The following BMPR1A variants were observed in gnomAD, a reference collection of about 807,000 sequenced individuals.
The protein encoded by BMPR1A is bone morphogenetic protein receptor type 1A, also known as bone morphogenetic protein receptor type-1A.
In BMPR1A, 7 loss-of-function variants were observed where a neutral mutation model predicts 66.0. The observed-to-expected ratio is 0.11, with a 90% confidence interval of 0.06 to 0.20. The LOEUF (loss-of-function observed/expected upper bound fraction) is 0.20. Ranked by LOEUF, BMPR1A falls within the 10% of genes least tolerant of loss-of-function variation. The probability of loss-of-function intolerance (pLI) is 1.00; values close to 1 mark genes in which losing one functional copy is unlikely to be tolerated. For missense variants in BMPR1A, 408 were observed against 669.1 expected, an observed-to-expected ratio of 0.61 and a Z score of 4.31; for synonymous variants, 200 against 229.7, an observed-to-expected ratio of 0.87 and a Z score of 1.17.
intron 1 of BMPR1A, among the ~76,000 whole-genome samples, chr10:86,817,550 C>T (rs573838974): frequency 2.0e-5 from 3 of 152,238 alleles, no homozygotes; most frequent in Non-Finnish European, 2.9e-5. Flanking sequence ...CTGCCATTAA[C>T]GTGGATATGC....
chr10:86,918,196 G>A (rs377335779), intron 9 of BMPR1A, among the ~76,000 whole-genome samples: 4 of 152,228 alleles, frequency 2.6e-5, no homozygotes, highest in African/African-American at 9.6e-5. Flanking sequence ...TCGGGCCCAC[G>A]CTAATCCTGT....
intron 1 of BMPR1A, among the ~76,000 whole-genome samples, chr10:86,824,112 T>TGTGTGTGTGTGTGTGTGTGTG (rs1564695887): frequency 3.3e-5 from 5 of 151,736 alleles, no homozygotes; most frequent in African/African-American, 1.2e-4. Context: ...TGTGTGTGTG[T>TGTGTGTGTGTGTGTGTGTGTG]TTCTTTCAGT....
chr10:86,848,838 GA>G (rs1347717300), intron 2 of BMPR1A, among the ~76,000 whole-genome samples: 2 of 152,268 alleles, frequency 1.3e-5, no homozygotes, highest in African/African-American at 4.8e-5. Context: ...AACCACCTAT[GA>G]CAACTGCATC....
At chr10:86,832,218 A>G (rs1201403247) in intron 1 of BMPR1A, among the ~76,000 whole-genome samples, 1 of 152,222 alleles carries the variant, frequency 6.6e-6, no homozygotes, top group African/African-American at 2.4e-5. Context: ...CTGTAATCCC[A>G]GCACTCTGGG....
At position 86,927,780 on chromosome 10, in the gene BMPR1A, C is replaced by A; in HGVS notation, c.*4061C>A. The A allele has an allele frequency of 5.0e-6, 1 of 199,250 alleles. No individual in the cohort carries two copies. Among genetic ancestry groups the A allele is most frequent in the Non-Finnish European group, 1.0e-5 (1 of 96,692 alleles). 12.3% of individuals were successfully genotyped at this position (199,250 alleles called of 1,614,324 possible). ...ATAGGCATTGAAAGAAGGGTAAAAG[C>A]AAGCAGTTTTATCAGGCAGTTGTAA... On this transcript the variant is annotated 3_prime_UTR_variant, in exon 13 of 13. Transcript: ENST00000372037.
intron 2 of BMPR1A, among the ~76,000 whole-genome samples, chr10:86,864,951 C>T (rs1455873297): frequency 6.6e-6 from 1 of 152,060 alleles, no homozygotes; most frequent in African/African-American, 2.4e-5. Flanking sequence ...TGAGAAACAC[C>T]GCCCATTCTC....
At chr10:86,911,178 T>TAAAAA (rs1843477739) in intron 7 of BMPR1A, among the ~76,000 whole-genome samples, 1 of 144,690 alleles carries the variant, frequency 6.9e-6, no homozygotes, top group African/African-American at 2.6e-5. Context: ...AAAAAAAAAT[T>TAAAAA]AAACCTTGAG....
chr10:86,800,767 C>G (rs983273989), intron 1 of BMPR1A, among the ~76,000 whole-genome samples: 1 of 152,202 alleles, frequency 6.6e-6, no homozygotes. Flanking sequence ...CTATTTATAT[C>G]TGTCAAAAGT....
At chr10:86,857,064 C>T (rs1261792412) in intron 2 of BMPR1A, among the ~76,000 whole-genome samples, 3 of 152,150 alleles carry the variant, frequency 2.0e-5, no homozygotes. Context: ...AGGAAGCCTA[C>T]CTGAGCTATG....
intron 1 of BMPR1A, among the ~76,000 whole-genome samples, chr10:86,768,618 C>T (rs1841204188): frequency 1.3e-5 from 2 of 152,116 alleles, no homozygotes; most frequent in South Asian, 4.1e-4. Context: ...ACAAAGAAGG[C>T]ATTAATAGCT....
chr10:86,897,951 TA>T (rs1843249857), intron 5 of BMPR1A, among the ~76,000 whole-genome samples: 1 of 152,194 alleles, frequency 6.6e-6, no homozygotes, highest in South Asian at 2.1e-4. Context: ...AGCCTAGAGA[TA>T]AATTACTTGC....
intron 1 of BMPR1A, among the ~76,000 whole-genome samples, chr10:86,798,940 A>G (rs1841767387): frequency 6.6e-6 from 1 of 152,202 alleles, no homozygotes; most frequent in East Asian, 1.9e-4. Context: ...TGTTATGTTA[A>G]TAAAAAAGCT....
At chr10:86,860,193 A>G (rs1842694588) in intron 2 of BMPR1A, among the ~76,000 whole-genome samples, 1 of 152,226 alleles carries the variant, frequency 6.6e-6, no homozygotes, top group Non-Finnish European at 1.5e-5. Context: ...AAATATGACC[A>G]TAAGATATTT....
At chr10:86,815,484 A>G (rs545794593) in intron 1 of BMPR1A, among the ~76,000 whole-genome samples, 1 of 152,302 alleles carries the variant, frequency 6.6e-6, no homozygotes, top group Non-Finnish European at 1.5e-5. Context: ...CCTTTGCACC[A>G]TCTGCATCTT....
At chr10:86,761,695 G>T (rs548233377) in intron 1 of BMPR1A, among the ~76,000 whole-genome samples, 4 of 152,298 alleles carry the variant, frequency 2.6e-5, no homozygotes, top group South Asian at 4.1e-4. Context: ...AGGCATAAAT[G>T]GGTTAAGATG....
chr10:86,779,434 G>A (rs1018865098), intron 1 of BMPR1A, among the ~76,000 whole-genome samples: 1 of 151,838 alleles, frequency 6.6e-6, no homozygotes, highest in Non-Finnish European at 1.5e-5. Context: ...CTTTTTCCCC[G>A]TTTGCCCATT....
At chr10:86,829,288 C>T (rs1335355478) in intron 1 of BMPR1A, among the ~76,000 whole-genome samples, 1 of 151,906 alleles carries the variant, frequency 6.6e-6, no homozygotes, top group African/African-American at 2.4e-5. Flanking sequence ...TAATATATCT[C>T]GTATAGTCCT....
intron 1 of BMPR1A, among the ~76,000 whole-genome samples, chr10:86,837,961 G>C (rs1261713000): frequency 6.6e-6 from 1 of 152,200 alleles, no homozygotes; most frequent in East Asian, 1.9e-4. Flanking sequence ...AAACCTCAGT[G>C]TGATACTTCT....
At chr10:86,900,166 A>G in intron 7 of BMPR1A, 40 bp downstream of exon 7, 4 of 1,589,244 alleles carry the variant, frequency 2.5e-6, no homozygotes, top group Non-Finnish European at 3.4e-6. Flanking sequence ...ATTTTGTCAA[A>G]TATTAGATGT....
Sources: allele counts gnomAD v4.1 joint callset (sites outside exome capture counted in the v4.1 genomes callset), GRCh38; gene constraint gnomAD v4.1.1; transcripts MANE v1.5; gene names NCBI Gene and HGNC (gene_info 2026-07-23, HGNC 2026-07-21).